Variants in PLXDC2 observed in about 807,000 individuals in gnomAD.
PLXDC2 encodes plexin domain containing 2.
A neutral mutation model predicts 68.9 loss-of-function variants in PLXDC2; 40 were observed. The observed-to-expected ratio is 0.58, with a 90% CI of 0.45 to 0.76. The LOEUF (loss-of-function observed/expected upper bound fraction) is 0.76, where lower values mean the gene tolerates loss of function less well. PLXDC2 is among the 30% of genes least tolerant of loss of function. The pLI is 0.00. For synonymous variants in PLXDC2, 243 were observed against 234.2 expected (o/e 1.04, Z -0.34); for missense variants, 644 against 661.9 (o/e 0.97, Z 0.30).
chr10:20,007,033 A>C (rs1053441633), intron 2 of PLXDC2, among the ~76,000 whole-genome samples: 2 of 152,216 alleles, frequency 1.3e-5, no homozygotes, highest in Admixed American at 1.3e-4. Context: ...GGAAATAGTC[A>C]CTGCATGTGC....
At chr10:20,187,445 A>G (rs1477516384) in intron 9 of PLXDC2, among the ~76,000 whole-genome samples, 2 of 151,886 alleles carry the variant, frequency 1.3e-5, no homozygotes, top group Admixed American at 6.6e-5. Context: ...AATATAATTA[A>G]CATATCAATC....
At chr10:20,150,073 A>G (rs966127464) in intron 6 of PLXDC2, among the ~76,000 whole-genome samples, 16 of 152,166 alleles carry the variant, frequency 1.1e-4, no homozygotes, top group Admixed American at 2.0e-4. Context: ...ATTTGTTGCA[A>G]TAGATGAACC....
chr10:20,169,031 T>C (rs1226823633), intron 7 of PLXDC2, among the ~76,000 whole-genome samples: 1 of 152,146 alleles, frequency 6.6e-6, no homozygotes, highest in Non-Finnish European at 1.5e-5. Flanking sequence ...CTGTCTAAAA[T>C]GTGGTCATTA....
rs1836062163 is a variant in PLXDC2 at position 20,280,080 on chromosome 10, C to T, written c.*261C>T. ...TCTATAGTTCACTCGGAACATCTCC[C>T]GTGGACTTATCTGAAGTATGACAAG... On this transcript the variant is annotated 3_prime_UTR_variant, in exon 14 of 14. Coordinates refer to ENST00000377252, the MANE Select transcript of PLXDC2 (RefSeq NM_032812.9). The T allele has an allele frequency of 8.1e-6, 3 of 369,144 alleles. No individual in the cohort carries two copies. The highest frequency in any genetic ancestry group is 7.0e-5 in the South Asian group (1 of 14,378). The allele number at this position is 369,144 out of a possible 1,614,324, so 22.9% of individuals were successfully genotyped here.
intron 4 of PLXDC2, among the ~76,000 whole-genome samples, chr10:20,142,124 A>T (rs1187878412): frequency 6.6e-6 from 1 of 152,138 alleles, no homozygotes; most frequent in African/African-American, 2.4e-5. Context: ...TTGAATTTGA[A>T]ACAATGAAGA....
chr10:19,841,065 C>G (rs1468523339), intron 1 of PLXDC2, among the ~76,000 whole-genome samples: 1 of 152,182 alleles, frequency 6.6e-6, no homozygotes, highest in Non-Finnish European at 1.5e-5. Context: ...CCATCACAAT[C>G]TAAAACATTT....
chr10:20,171,112 A>G (rs914688584), intron 7 of PLXDC2, among the ~76,000 whole-genome samples: 1 of 152,150 alleles, frequency 6.6e-6, no homozygotes, highest in Non-Finnish European at 1.5e-5. Flanking sequence ...AGCAGCTATA[A>G]TGAAAATATG....
At chr10:20,194,669 G>C (rs1194849654) in intron 9 of PLXDC2, among the ~76,000 whole-genome samples, 9 of 151,464 alleles carry the variant, frequency 5.9e-5, no homozygotes, top group Non-Finnish European at 1.2e-4. Flanking sequence ...AAGTTCTAGG[G>C]TACATGTGCA....
In PLXDC2 at chr10:20,078,894, AAATT is replaced by A. The variant is rs559477953; in HGVS notation, c.541+10658_541+10661del. On this transcript the variant is annotated intron_variant, in intron 4 of 13. Coordinates refer to ENST00000377252, the MANE Select transcript of PLXDC2 (RefSeq NM_032812.9). The stretch of plus-strand genomic sequence containing the variant: ...CCACAAGGTTTGAAATATATTATTT[AAATT>A]AACCTGATTTATTTTATCATGAAAA... Among the ~76,000 whole-genome samples the A allele has an allele frequency of 1.5e-3, 230 of 152,290 alleles. 2 individuals carry two copies. The highest frequency in any genetic ancestry group is 5.4e-3 in the African/African-American group (225 of 41,566).
intron 2 of PLXDC2, among the ~76,000 whole-genome samples, chr10:20,029,350 A>G (rs1340533564): frequency 1.3e-5 from 2 of 152,154 alleles, no homozygotes; most frequent in Non-Finnish European, 2.9e-5. Flanking sequence ...CCACATACAT[A>G]ATCCATGCAT....
In PLXDC2 at chr10:20,217,503, C is replaced by T. The variant is rs1450828511; in HGVS notation, c.1200C>T (p.Thr400=). Residue 400 remains threonine, a synonymous_variant, in exon 11 of 14, where the codon ACC becomes ACT. Transcript: ENST00000377252. ...CCACCACAACCGTAGGAGCGACAAC[C>T]ACCCAGTTCAGGGTCCTAACTACCA... ...SRTTTTVGAT[T]TQFRVLTTTR... 6.2e-7 allele frequency: 1 copy of T among 1,612,502 alleles called. No individual in the cohort carries two copies. The highest frequency in any genetic ancestry group is 1.1e-5 in the South Asian group (1 of 90,960).
chr10:20,062,855 A>C (rs1836130399), intron 3 of PLXDC2, among the ~76,000 whole-genome samples: 1 of 152,164 alleles, frequency 6.6e-6, no homozygotes, highest in South Asian at 2.1e-4. Context: ...ACCAGAAATA[A>C]GCCAATATAC....
intron 9 of PLXDC2, among the ~76,000 whole-genome samples, chr10:20,187,788 A>G (rs1564346403): frequency 6.6e-6 from 1 of 151,964 alleles, no homozygotes; most frequent in Non-Finnish European, 1.5e-5. Flanking sequence ...ATCGATCTCG[A>G]TGACACTTTC....
At chr10:20,098,085 G>A (rs1589627985) in intron 4 of PLXDC2, among the ~76,000 whole-genome samples, 4 of 151,684 alleles carry the variant, frequency 2.6e-5, no homozygotes, top group Admixed American at 1.3e-4. Flanking sequence ...TGTGGGGGGC[G>A]GTACGGCTGC....
rs767275954 is a variant in PLXDC2 at position 19,852,138 on chromosome 10, C to T, written c.112+34947C>T. 1.1e-4 allele frequency among the ~76,000 whole-genome samples: 16 copies of T among 152,048 alleles called. 1 individual carries two copies. Among genetic ancestry groups the T allele is most frequent in the Non-Finnish European group, 2.1e-4 (14 of 68,010 alleles). ...CATTTATCAAGGCTGGGCATGGTGG[C>T]TCACACATGTAATCCCAGCATTTTG... On this transcript the variant is annotated intron_variant, in intron 1 of 13. Coordinates refer to ENST00000377252, the MANE Select transcript of PLXDC2 (RefSeq NM_032812.9).
intron 4 of PLXDC2, among the ~76,000 whole-genome samples, chr10:20,116,374 G>A (rs181587082): frequency 3.0e-4 from 46 of 152,182 alleles, no homozygotes; most frequent in African/African-American, 1.0e-3. Context: ...ATCTGTTCTC[G>A]GGTTGTCCCA....
intron 4 of PLXDC2, among the ~76,000 whole-genome samples, chr10:20,101,201 G>A (rs1288990507): frequency 6.6e-6 from 1 of 152,128 alleles, no homozygotes; most frequent in Non-Finnish European, 1.5e-5. Context: ...GGGTAGTGTT[G>A]ATCTATTTAT....
intron 1 of PLXDC2, among the ~76,000 whole-genome samples, chr10:19,868,577 A>G (rs1055041361): frequency 1.3e-5 from 2 of 152,224 alleles, no homozygotes; most frequent in Admixed American, 6.5e-5. Flanking sequence ...ACTCTATGCC[A>G]TTGAAACAAA....
intron 1 of PLXDC2, among the ~76,000 whole-genome samples, chr10:19,848,454 G>T (rs1237755573): frequency 6.6e-6 from 1 of 152,162 alleles, no homozygotes; most frequent in East Asian, 1.9e-4. Context: ...CAGGTTTCTT[G>T]ACGCAGGAGG....
Sources: gnomAD v4.1 joint callset for allele counts (sites outside exome capture counted in the v4.1 genomes callset) on GRCh38, gnomAD v4.1.1 for gene constraint, MANE v1.5 for transcripts, NCBI Gene and HGNC (gene_info 2026-07-23, HGNC 2026-07-21) for gene names.